CADM1: variants seen among roughly 807,000 people sequenced by gnomAD.
CADM1 encodes the protein TSLC-1.
A neutral mutation model predicts 53.1 loss-of-function variants in CADM1; 15 were observed. The ratio of observed to expected loss-of-function variants is 0.28; its 90% CI spans 0.19 to 0.44. The LOEUF is 0.44. Ranked by LOEUF, CADM1 falls within the 20% of genes least tolerant of loss-of-function variation. The probability of loss-of-function intolerance (pLI) is 1.00; values close to 1 mark genes in which losing one functional copy is unlikely to be tolerated. For missense variants in CADM1, 434 were observed against 611.3 expected (o/e 0.71, Z 3.06); for synonymous variants, 281 against 243.0 (o/e 1.16, Z -1.45).
At chr11:115,458,004 G>C (rs1227768917) in intron 1 of CADM1, among the ~76,000 whole-genome samples, 2 of 152,090 alleles carry the variant, frequency 1.3e-5, no homozygotes, top group Non-Finnish European at 2.9e-5. Context: ...TTGCATCCAA[G>C]AGCAGCATGA....
chr11:115,286,305 C>T (rs935564628), intron 1 of CADM1, among the ~76,000 whole-genome samples: 3 of 152,050 alleles, frequency 2.0e-5, no homozygotes, highest in African/African-American at 7.2e-5. Flanking sequence ...TTTTCTCCCC[C>T]ACATCAACAC....
intron 1 of CADM1, among the ~76,000 whole-genome samples, chr11:115,463,499 A>C (rs1948836414): frequency 6.6e-6 from 1 of 152,246 alleles, no homozygotes; most frequent in African/African-American, 2.4e-5. Flanking sequence ...ACAACAAAAC[A>C]ACCTCAAAAG....
At chr11:115,291,137 G>A (rs1943889668) in intron 1 of CADM1, among the ~76,000 whole-genome samples, 1 of 152,118 alleles carries the variant, frequency 6.6e-6, no homozygotes. Context: ...CCAGAGGCGA[G>A]AGCAACGAGG....
chr11:115,360,760 G>A (rs985884696), intron 1 of CADM1, among the ~76,000 whole-genome samples: 3 of 152,172 alleles, frequency 2.0e-5, no homozygotes, highest in African/African-American at 7.2e-5. Context: ...CAATTCACAC[G>A]TTTTCACAGG....
At chr11:115,378,826 C>T (rs191208523) in intron 1 of CADM1, among the ~76,000 whole-genome samples, 59 of 152,296 alleles carry the variant, frequency 3.9e-4, no homozygotes, top group Non-Finnish European at 6.8e-4. Context: ...TGAAAGAGAC[C>T]GTATGGCCCA....
intron 1 of CADM1, among the ~76,000 whole-genome samples, chr11:115,314,763 A>C (rs1944617644): frequency 6.6e-6 from 1 of 152,196 alleles, no homozygotes; most frequent in South Asian, 2.1e-4. Context: ...ACACCCACCA[A>C]GCGTTCATTC....
intron 1 of CADM1, among the ~76,000 whole-genome samples, chr11:115,422,734 G>T (rs1947789939): frequency 6.6e-6 from 1 of 152,170 alleles, no homozygotes; most frequent in African/African-American, 2.4e-5. Context: ...AAAACTATAA[G>T]CTGATCTTTA....
intron 1 of CADM1, among the ~76,000 whole-genome samples, chr11:115,346,081 T>C (rs1489804525): frequency 3.2e-5 from 4 of 125,218 alleles, no homozygotes; most frequent in Non-Finnish European, 6.6e-5. Context: ...TGAATCATAT[T>C]ACCTTAAGAA....
At chr11:115,219,032 A>G (rs1941303197) in intron 5 of CADM1, among the ~76,000 whole-genome samples, 2 of 152,206 alleles carry the variant, frequency 1.3e-5, no homozygotes, top group South Asian at 4.1e-4. Flanking sequence ...TTCTCATTTA[A>G]TTCTGTGGCT....
chr11:115,401,850 C>T (rs890842506), intron 1 of CADM1, among the ~76,000 whole-genome samples: 17 of 152,202 alleles, frequency 1.1e-4, no homozygotes, highest in Admixed American at 9.8e-4. Flanking sequence ...AAATGTACCA[C>T]GCTGGTAGAG....
chr11:115,310,414 C>T (rs1023951204), intron 1 of CADM1, among the ~76,000 whole-genome samples: 1 of 152,098 alleles, frequency 6.6e-6, no homozygotes, highest in Non-Finnish European at 1.5e-5. Context: ...ATTCTTCATG[C>T]TACTTGAGCC....
intron 1 of CADM1, among the ~76,000 whole-genome samples, chr11:115,390,033 T>C (rs1031778928): frequency 5.3e-5 from 8 of 151,976 alleles, no homozygotes; most frequent in Non-Finnish European, 1.0e-4. Context: ...TTATTTAGAG[T>C]TGTGCATCCA....
intron 8 of CADM1, among the ~76,000 whole-genome samples, chr11:115,206,340 T>A (rs1322732223): frequency 6.6e-6 from 1 of 152,138 alleles, no homozygotes; most frequent in Admixed American, 6.5e-5. Context: ...CACGTGTAAC[T>A]CTCCAGACCT....
chr11:115,223,746 A>T (rs1424153984), intron 5 of CADM1, among the ~76,000 whole-genome samples: 1 of 152,198 alleles, frequency 6.6e-6, no homozygotes, highest in Non-Finnish European at 1.5e-5. Context: ...CTAACAATCT[A>T]TAGTCCTTAT....
intron 1 of CADM1, among the ~76,000 whole-genome samples, chr11:115,427,427 G>A (rs1279518702): frequency 1.3e-5 from 2 of 152,126 alleles, no homozygotes; most frequent in Non-Finnish European, 2.9e-5. Flanking sequence ...AGAATGATGA[G>A]GACAGAATGA....
At chr11:115,427,666 C>T (rs1261047291) in intron 1 of CADM1, among the ~76,000 whole-genome samples, 1 of 151,712 alleles carries the variant, frequency 6.6e-6, no homozygotes, top group African/African-American at 2.4e-5. Context: ...ATGTATTAAT[C>T]GACAAACAGA....
At chr11:115,209,759 T>C (rs1940866323) in intron 7 of CADM1, 102 bp from the exon 8 acceptor site, 3 of 1,432,046 alleles carry the variant, frequency 2.1e-6, no homozygotes, top group Admixed American at 3.8e-5. Flanking sequence ...GTTTGTTTGA[T>C]GGCTTCCCCC....
intron 1 of CADM1, among the ~76,000 whole-genome samples, chr11:115,440,082 G>A (rs916910239): frequency 5.9e-5 from 9 of 152,160 alleles, no homozygotes. Flanking sequence ...AAATGTCCCA[G>A]AAATTCATAT....
At chr11:115,284,087 ACTCT>A (rs141079093) in intron 1 of CADM1, among the ~76,000 whole-genome samples, 1 of 47,588 alleles carries the variant, frequency 2.1e-5, no homozygotes, top group Non-Finnish European at 3.7e-5. Flanking sequence ...AAGCCCAGAC[ACTCT>A]CTCTCTCTCT....
Sources: allele counts gnomAD v4.1 joint callset (sites outside exome capture counted in the v4.1 genomes callset), GRCh38; gene constraint gnomAD v4.1.1; transcripts MANE v1.5; gene names NCBI Gene and HGNC (gene_info 2026-07-23, HGNC 2026-07-21).